The following DCST1 variants were observed in gnomAD, a reference collection of about 807,000 sequenced individuals.
DCST1 encodes the protein E3 ubiquitin-protein ligase DCST1.
A neutral mutation model predicts 89.1 loss-of-function variants in DCST1; 78 were observed. That is an observed-to-expected ratio of 0.88 (90% confidence interval 0.73 to 1.06). DCST1 has a LOEUF of 1.06. Ranked by LOEUF, DCST1 falls within the 50% of genes least tolerant of loss-of-function variation. The probability of loss-of-function intolerance (pLI) is 0.00; values close to 1 mark genes in which losing one functional copy is unlikely to be tolerated. For missense variants in DCST1, 900 were observed against 928.6 expected (o/e 0.97, Z 0.40); for synonymous variants, 364 against 371.9 (o/e 0.98, Z 0.24).
chr1:155,049,837 A>G (rs1409169493), intron 16 of DCST1, among the ~76,000 whole-genome samples: 1 of 152,254 alleles, frequency 6.6e-6, no homozygotes, highest in African/African-American at 2.4e-5. Context: ...AGGGTCGTGA[A>G]GCAAACTGAA....
At chr1:155,048,784 G>A (rs1660747250) in intron 16 of DCST1, among the ~76,000 whole-genome samples, 1 of 152,200 alleles carries the variant, frequency 6.6e-6, no homozygotes, top group Non-Finnish European at 1.5e-5. Flanking sequence ...AAGCAAGAGG[G>A]CCGCACAGAA....
rs778171235 is a variant in DCST1 at position 155,042,818 on chromosome 1, G to A, written c.976G>A (p.Gly326Ser). The A allele has an allele frequency of 1.2e-6, 2 of 1,614,216 alleles. No homozygotes were observed. Among genetic ancestry groups the A allele is most frequent in the South Asian group, 1.1e-5 (1 of 91,088 alleles). Residue 326 changes from glycine (G) to serine (S), a missense_variant, in exon 9 of 17, where the codon GGC (glycine) becomes AGC (serine). Coordinates refer to ENST00000295542, the MANE Select transcript of DCST1 (RefSeq NM_152494.4). The part of the protein sequence containing the change: ...TYDSLNQSIR[G>S]LDGEFSANID... ...CGACTCCCTCAACCAGTCTATTCGT[G>A]GCCTGGATGGGGAATTTTCAGCCAA...
Position 155,041,551 on chromosome 1 carries a change from C to A in DCST1, c.686C>A (p.Ala229Asp). ...AQGREARQAP[A>D]SRLHLSTQKM... ...GGCAGGGAGGCCCGCCAAGCCCCAG[C>A]CTCCAGACTCCACCTGTCGACACAG... is the stretch of plus-strand genomic sequence containing the variant. Residue 229 changes from alanine (A) to aspartate (D), a missense_variant, in exon 7 of 17, where the codon GCC (alanine) becomes GAC (aspartate). Physicochemically the swap from Ala to Asp is moderately radical, Grantham distance 126. Transcript: ENST00000295542. 1.2e-6 allele frequency: 2 copies of A among 1,614,122 alleles called. No individual in the cohort carries two copies. The highest frequency in any genetic ancestry group is 1.7e-6 in the Non-Finnish European group (2 of 1,180,040).
chr1:155,048,217 G>C, intron 16 of DCST1, 47 bp downstream of exon 16: 1 of 1,531,274 alleles, frequency 6.5e-7, no homozygotes. Context: ...CTGGGTCTAA[G>C]TACAGCAGGC....
chr1:155,043,824 C>T (rs1346139010), intron 10 of DCST1, among the ~76,000 whole-genome samples: 2 of 152,046 alleles, frequency 1.3e-5, no homozygotes, highest in Admixed American at 1.3e-4. Context: ...TCATATTCCC[C>T]TTGGCTCTGA....
chr1:155,033,861 C>G lies in DCST1; in HGVS notation c.-66+7C>G. 1.6e-6 allele frequency: 2 copies of G among 1,272,904 alleles called. No individual in the cohort carries two copies. The highest frequency in any genetic ancestry group is 2.4e-5 in the East Asian group (1 of 41,328). 78.9% of individuals were successfully genotyped at this position (1,272,904 alleles called of 1,614,324 possible). ...AGGACTGGAGAGGGGATAGGTAGGT[C>G]TCTAATCTCCTTCCCCACTTCTCGG... On this transcript the variant is annotated splice_region_variant and intron_variant, in intron 1 of 16. Coordinates refer to ENST00000295542, the MANE Select transcript of DCST1 (RefSeq NM_152494.4).
At position 155,050,004 on chromosome 1, in the gene DCST1, A is replaced by G. The variant is rs185860362; in HGVS notation, c.1870-613A>G. On this transcript the variant is annotated intron_variant, in intron 16 of 16. Transcript: ENST00000295542. ...AGGGCTAAAGTAGGAAAGAGGCTAG[A>G]AAGGGACCAGGTGAGGGAAGGCTCT... Among the ~76,000 whole-genome samples the G allele has an allele frequency of 3.0e-3, 462 of 152,340 alleles. 11 individuals are homozygous for G. Among genetic ancestry groups the G allele is most frequent in the Non-Finnish European group, 4.1e-4 (28 of 68,018 alleles).
intron 13 of DCST1, among the ~76,000 whole-genome samples, chr1:155,046,749 G>A (rs910645651): frequency 6.6e-6 from 1 of 151,998 alleles, no homozygotes; most frequent in South Asian, 2.1e-4. Context: ...GAGATTACAG[G>A]TGTGAGCCAC....
intron 4 of DCST1, among the ~76,000 whole-genome samples, chr1:155,035,982 G>T (rs1042547992): frequency 6.8e-5 from 10 of 146,678 alleles, no homozygotes; most frequent in African/African-American, 2.5e-4. Flanking sequence ...TCACTGTCTT[G>T]GGCTGTGCGA....
intron 10 of DCST1, 92 bp from the exon 11 acceptor site, chr1:155,045,801 G>C: frequency 9.2e-7 from 1 of 1,088,720 alleles, no homozygotes; most frequent in Middle Eastern, 2.1e-4. Flanking sequence ...TGGCTGGTTG[G>C]TTGAATGACT....
intron 16 of DCST1, among the ~76,000 whole-genome samples, chr1:155,049,872 CCAGA>C (rs1431648963): frequency 5.3e-5 from 8 of 152,188 alleles, no homozygotes; most frequent in South Asian, 4.1e-4. Flanking sequence ...TGGAAATGTG[CCAGA>C]CAGTCATTCC....
intron 4 of DCST1, among the ~76,000 whole-genome samples, chr1:155,035,716 G>A (rs1485487068): frequency 6.6e-6 from 1 of 152,038 alleles, no homozygotes; most frequent in Non-Finnish European, 1.5e-5. Flanking sequence ...GATCACCTGA[G>A]GTCAGGAGTT....
rs1660703389 is a variant in DCST1 at position 155,047,768 on chromosome 1, T to C, written c.1613-19T>C. 2 of 1,611,498 alleles carry C rather than the reference T, an allele frequency of 1.2e-6. No homozygotes were observed. Among genetic ancestry groups the C allele is most frequent in the Middle Eastern group, 1.8e-4 (1 of 5,432 alleles). On this transcript the variant is annotated intron_variant, in intron 14 of 16. Coordinates refer to ENST00000295542, the MANE Select transcript of DCST1 (RefSeq NM_152494.4). The stretch of plus-strand genomic sequence containing the variant: ...CCTTGGCTGGTCCTGACCAGACCCC[T>C]GGCCTGCCCCTCCCCTAGCCTGCCT...
rs190752286 is a variant in DCST1, at chr1:155,049,381, A to G, written c.1869+1211A>G. The G allele has an allele frequency of 2.4e-5, 8 of 335,882 alleles. No individual in the cohort carries two copies. The East Asian group carries it at 3.9e-4, about 16-fold the overall frequency. The allele number at this position is 335,882 out of a possible 1,614,324, so 20.8% of individuals were successfully genotyped here. ...TCTCACCTGAAAAAAAGGAGATGAT[A>G]ATAACACTATCTGCCTTACATGACA... On this transcript the variant is annotated intron_variant, in intron 16 of 16. Transcript: ENST00000295542.
chr1:155,043,292 G>A, intron 9 of DCST1, 60 bp from the exon 10 acceptor site: 2 of 1,611,816 alleles, frequency 1.2e-6, no homozygotes, highest in South Asian at 1.1e-5. Flanking sequence ...TCATGAAGAG[G>A]TGGGACCCAG....
intron 4 of DCST1, among the ~76,000 whole-genome samples, chr1:155,036,047 CAAAAAAAAAA>C (rs11445380): frequency 4.2e-5 from 3 of 71,248 alleles, no homozygotes; most frequent in Non-Finnish European, 5.5e-5. Flanking sequence ...AACTCTGTCT[CAAAAAAAAAA>C]AAAAAAAAAA....
chr1:155,048,901 G>A, intron 16 of DCST1: 1 of 645,538 alleles, frequency 1.5e-6, no homozygotes, highest in Non-Finnish European at 2.9e-6. Flanking sequence ...AGTCAGGAAG[G>A]CCTCATGCAG....
In DCST1 at chr1:155,034,520, T is replaced by C; in HGVS notation, c.147T>C (p.Ala49=). The C allele has an allele frequency of 2.5e-6, 4 of 1,613,488 alleles. No individual in the cohort carries two copies. Among genetic ancestry groups the C allele is most frequent in the South Asian group, 1.1e-5 (1 of 91,048 alleles). Reference sequence around the variant, plus strand: ...AGCCGGGCGAGTTTCCTGTCACTGCTCTCCTGCTGGGGGCAGGCGCTGGGG... The same window carrying C: ...AGCCGGGCGAGTTTCCTGTCACTGCCCTCCTGCTGGGGGCAGGCGCTGGGG... ...WRQPGEFPVT[A]LLLGAGAGGL... The change falls in exon 3 of 17, where the codon GCT becomes GCC. Residue 49 remains alanine, a synonymous_variant. Coordinates refer to ENST00000295542, the MANE Select transcript of DCST1 (RefSeq NM_152494.4).
intron 10 of DCST1, 56 bp downstream of exon 10, chr1:155,043,565 C>T: frequency 1.3e-6 from 2 of 1,509,080 alleles, no homozygotes; most frequent in East Asian, 2.3e-5. Context: ...TGGAGCCCTG[C>T]CCTGAGGGAG....
Sources: allele counts gnomAD v4.1 joint callset (sites outside exome capture counted in the v4.1 genomes callset), GRCh38; gene constraint gnomAD v4.1.1; transcripts MANE v1.5; gene names NCBI Gene and HGNC (gene_info 2026-07-23, HGNC 2026-07-21).